Variants in IPCEF1 observed in about 807,000 individuals in gnomAD.
IPCEF1 encodes interaction protein for cytohesin exchange factors 1, also known as interactor protein for cytohesin exchange factors 1.
Under a neutral mutation model 50.9 loss-of-function variants are expected in IPCEF1, and 31 were observed. The ratio of observed to expected loss-of-function variants is 0.61; its 90% CI spans 0.46 to 0.82. The LOEUF is 0.82. Among genes scored for constraint, IPCEF1 ranks in the 40% least tolerant of loss-of-function variants. The pLI, the probability that IPCEF1 is intolerant of heterozygous loss-of-function variation, is 0.00. For missense variants in IPCEF1, 458 were observed against 514.0 expected (o/e 0.89, Z 1.05); for synonymous variants, 181 against 192.0 (o/e 0.94, Z 0.47).
intron 2 of IPCEF1, among the ~76,000 whole-genome samples, chr6:154,288,179 A>G (rs958198385): frequency 8.5e-5 from 13 of 152,240 alleles, no homozygotes; most frequent in African/African-American, 3.1e-4. Flanking sequence ...CTAATGAGTT[A>G]TGACTAACAG....
chr6:154,209,355 T>C (rs1302025077), intron 9 of IPCEF1, among the ~76,000 whole-genome samples: 1 of 152,184 alleles, frequency 6.6e-6, no homozygotes, highest in African/African-American at 2.4e-5. Flanking sequence ...ATTCACTCTC[T>C]GCATAAAAGC....
chr6:154,247,047 A>G (rs1173405508), intron 4 of IPCEF1: 4 of 412,604 alleles, frequency 9.7e-6, no homozygotes, highest in East Asian at 3.8e-5. Flanking sequence ...ATATGCAAGT[A>G]TTAGTCTAAG....
chr6:154,330,503 A>G (rs1783633148), intron 1 of IPCEF1, among the ~76,000 whole-genome samples: 1 of 151,380 alleles, frequency 6.6e-6, no homozygotes, highest in African/African-American at 2.4e-5. Flanking sequence ...TTTTTTTATG[A>G]TCGGTAGAGA....
intron 3 of IPCEF1, among the ~76,000 whole-genome samples, chr6:154,259,136 C>T (rs1164067161): frequency 6.6e-6 from 1 of 152,150 alleles, no homozygotes; most frequent in Non-Finnish European, 1.5e-5. Flanking sequence ...TTTCTCACTC[C>T]CAAAGAGGCA....
At chr6:154,257,949 C>T (rs774744561) in intron 3 of IPCEF1, among the ~76,000 whole-genome samples, 2 of 152,214 alleles carry the variant, frequency 1.3e-5, no homozygotes, top group African/African-American at 2.4e-5. Flanking sequence ...GTGATCCTCT[C>T]GCCTAGGTCT....
intron 2 of IPCEF1, among the ~76,000 whole-genome samples, chr6:154,276,752 G>A (rs1163736879): frequency 6.6e-6 from 1 of 152,180 alleles, no homozygotes; most frequent in Non-Finnish European, 1.5e-5. Flanking sequence ...TTTGCAAACA[G>A]TAGATCTCAT....
At chr6:154,330,039 T>G (rs183898175) in intron 1 of IPCEF1, 132 of 152,428 alleles carry the variant, frequency 8.7e-4, no homozygotes, top group African/African-American at 2.9e-3. Flanking sequence ...CAAGGAGCAC[T>G]CTCTCAGTCT....
intron 1 of IPCEF1, among the ~76,000 whole-genome samples, chr6:154,330,325 C>CTTTTTTT (rs138406253): frequency 1.1e-5 from 1 of 89,244 alleles, no homozygotes; most frequent in African/African-American, 4.2e-5. Context: ...ATTATAGCCT[C>CTTTTTTT]TTTTTTTTTT....
intron 1 of IPCEF1, among the ~76,000 whole-genome samples, chr6:154,315,038 G>C (rs942708323): frequency 1.3e-5 from 2 of 151,986 alleles, no homozygotes; most frequent in Non-Finnish European, 2.9e-5. Flanking sequence ...GTGCTACCAC[G>C]ACCAGCTAAC....
intron 1 of IPCEF1, among the ~76,000 whole-genome samples, chr6:154,327,612 A>T (rs1038671770): frequency 4.6e-5 from 7 of 152,236 alleles, no homozygotes; most frequent in Admixed American, 4.6e-4. Context: ...ACACTTTTAC[A>T]CTGTTGGTGG....
At chr6:154,273,428 C>A (rs1781948030) in intron 2 of IPCEF1, among the ~76,000 whole-genome samples, 2 of 152,312 alleles carry the variant, frequency 1.3e-5, no homozygotes, top group African/African-American at 2.4e-5. Flanking sequence ...ACATGATAGT[C>A]CATCACAGCA....
At chr6:154,207,780 A>T (rs958937098) in intron 9 of IPCEF1, among the ~76,000 whole-genome samples, 2 of 152,074 alleles carry the variant, frequency 1.3e-5, no homozygotes, top group African/African-American at 4.8e-5. Flanking sequence ...TTCAATATTT[A>T]AAAAACTACT....
chr6:154,174,904 T>C (rs770284607), intron 10 of IPCEF1, among the ~76,000 whole-genome samples: 9 of 152,160 alleles, frequency 5.9e-5, no homozygotes, highest in Non-Finnish European at 1.2e-4. Flanking sequence ...TATTCTAAAG[T>C]TGACCAAATA....
intron 1 of IPCEF1, among the ~76,000 whole-genome samples, chr6:154,321,523 A>C (rs565586126): frequency 8.1e-4 from 123 of 152,058 alleles, no homozygotes; most frequent in Non-Finnish European, 1.6e-3. Flanking sequence ...CACATCTGTA[A>C]TCCCAGCACT....
rs1032087521 is a variant in IPCEF1 at position 154,156,174 on chromosome 6, A to G, written c.*3654T>C. 6.6e-6 allele frequency: 1 copy of G among 152,216 alleles called. No homozygotes were observed. The highest frequency in any genetic ancestry group is 2.4e-5 in the African/African-American group (1 of 41,424). The allele number at this position is 152,216 out of a possible 1,614,324, so 9.4% of individuals were successfully genotyped here. A position where few individuals can be genotyped will look rare whatever the true frequency, so the allele number is the denominator to read the frequency against. The stretch of plus-strand genomic sequence containing the variant: ...AGGAAACACAGCATGATTAGGTGAA[A>G]CCCCAATCCATAGACAGCCCGCCAG... On this transcript the variant is annotated 3_prime_UTR_variant, in exon 12 of 12. Coordinates refer to ENST00000367220, the MANE Select transcript of IPCEF1 (RefSeq NM_001130700.2).
chr6:154,266,510 C>A (rs1781757286), intron 2 of IPCEF1, among the ~76,000 whole-genome samples: 1 of 149,066 alleles, frequency 6.7e-6, no homozygotes, highest in Non-Finnish European at 1.5e-5. Context: ...TGTCAATATT[C>A]TTTTCAAGTA....
chr6:154,205,562 T>C lies in IPCEF1; in HGVS notation c.538-5522A>G, dbSNP rs146649109. Among the ~76,000 whole-genome samples, 3 of 152,302 alleles carry C rather than the reference T, an allele frequency of 2.0e-5. No homozygotes were observed. The East Asian group carries it at 5.8e-4, about 29-fold the overall frequency. Reference sequence around the variant, plus strand: ...GTGAGCCGAAATCACACCACTGCACTCTAGCCTGGGCAACAAGAGTAAGAC... The same window carrying C: ...GTGAGCCGAAATCACACCACTGCACCCTAGCCTGGGCAACAAGAGTAAGAC... On this transcript the variant is annotated intron_variant, in intron 9 of 11. Coordinates refer to ENST00000367220, the MANE Select transcript of IPCEF1 (RefSeq NM_001130700.2).
chr6:154,190,164 A>G (rs1378764270), intron 10 of IPCEF1, among the ~76,000 whole-genome samples: 6 of 152,150 alleles, frequency 3.9e-5, no homozygotes. Context: ...CACCAACATC[A>G]CATAAGCAAA....
intron 11 of IPCEF1, among the ~76,000 whole-genome samples, chr6:154,166,452 A>G (rs1258465117): frequency 6.6e-6 from 1 of 152,170 alleles, no homozygotes; most frequent in Non-Finnish European, 1.5e-5. Context: ...ACTACAGCTT[A>G]TTATCCGTTG....
Sources: gnomAD v4.1 joint callset for allele counts (sites outside exome capture counted in the v4.1 genomes callset) on GRCh38, gnomAD v4.1.1 for gene constraint, MANE v1.5 for transcripts, NCBI Gene and HGNC (gene_info 2026-07-23, HGNC 2026-07-21) for gene names.